Variants in CLMP observed in about 807,000 individuals in gnomAD.
CLMP encodes CXADR-like membrane protein.
Under a neutral mutation model 45.2 loss-of-function variants are expected in CLMP, and 27 were observed. That is an observed-to-expected ratio of 0.60 (90% CI 0.44 to 0.82). The LOEUF (loss-of-function observed/expected upper bound fraction) is 0.82. Among genes scored for constraint, CLMP ranks in the 40% least tolerant of loss-of-function variants. CLMP has a pLI of 0.00. For missense variants in CLMP, 403 were observed against 448.4 expected (o/e 0.90, Z 0.91); for synonymous variants, 167 against 171.4 (o/e 0.97, Z 0.20).
At chr11:123,160,282 A>AG (rs1361728600) in intron 1 of CLMP, among the ~76,000 whole-genome samples, 8 of 148,880 alleles carry the variant, frequency 5.4e-5, no homozygotes, top group Non-Finnish European at 1.0e-4. Flanking sequence ...TCTGTCTCAA[A>AG]AAAAAAAAAA....
At chr11:123,134,350 TTC>T (rs995686954) in intron 1 of CLMP, among the ~76,000 whole-genome samples, 3 of 152,176 alleles carry the variant, frequency 2.0e-5, no homozygotes, top group African/African-American at 7.2e-5. Context: ...AAAAGATTTT[TTC>T]TTTCTCCTAC....
intron 5 of CLMP, among the ~76,000 whole-genome samples, chr11:123,075,112 C>T (rs1481643186): frequency 6.6e-5 from 10 of 151,984 alleles, no homozygotes; most frequent in South Asian, 2.1e-4. Flanking sequence ...TGCACCACCA[C>T]GCCCGGCTAA....
At chr11:123,118,929 TTTTCTTTCTTTCTTTC>T (rs1314714578) in intron 1 of CLMP, among the ~76,000 whole-genome samples, 1,430 of 99,156 alleles carry the variant, frequency 0.014, 60 homozygotes, top group Middle Eastern at 0.031. Context: ...TTTTCTTTTC[TTTTCTTTCTTTCTTTC>T]TTTCTTTCTT....
chr11:123,180,431 C>T (rs1006903973), intron 1 of CLMP, among the ~76,000 whole-genome samples: 6 of 152,124 alleles, frequency 3.9e-5, no homozygotes, highest in African/African-American at 1.4e-4. Flanking sequence ...ACGTGGCTCT[C>T]TATGAACGAG....
In CLMP at chr11:123,165,283, G is replaced by A. The variant is rs531642709; in HGVS notation, c.28+29630C>T. Among the ~76,000 whole-genome samples, 45 of 152,330 alleles carry A rather than the reference G, an allele frequency of 3.0e-4. No individual in the cohort carries two copies. In the Middle Eastern group the frequency reaches 0.017, roughly 58 times the overall value. On this transcript the variant is annotated intron_variant, in intron 1 of 6. Transcript: ENST00000448775. ...AAAAACAGCCTGAAAGTAGGGAGAA[G>A]TTTGAATCCCAGCTCCACCATATGG...
intron 1 of CLMP, among the ~76,000 whole-genome samples, chr11:123,192,246 A>G (rs1277802421): frequency 6.6e-6 from 1 of 152,240 alleles, no homozygotes; most frequent in African/African-American, 2.4e-5. Flanking sequence ...TGATGTCAGA[A>G]TGAAGTGTTT....
chr11:123,120,264 A>G (rs1239576618), intron 1 of CLMP, among the ~76,000 whole-genome samples: 1 of 152,182 alleles, frequency 6.6e-6, no homozygotes, highest in South Asian at 2.1e-4. Context: ...CCACAAAAAT[A>G]TAAAAGTAAT....
intron 1 of CLMP, among the ~76,000 whole-genome samples, chr11:123,150,081 A>G (rs143333803): frequency 7.8e-4 from 118 of 152,056 alleles, no homozygotes; most frequent in African/African-American, 2.4e-3. Context: ...CTGAGATTAC[A>G]GGTATGAGAC....
chr11:123,074,942 G>T, intron 5 of CLMP, 99 bp from the exon 6 acceptor site: 1 of 1,360,346 alleles, frequency 7.4e-7, no homozygotes, highest in Non-Finnish European at 9.9e-7. Context: ...ATGAGTATTT[G>T]CAGGTTTGTT....
intron 2 of CLMP, among the ~76,000 whole-genome samples, chr11:123,092,400 C>A (rs566277745): frequency 6.6e-6 from 1 of 151,970 alleles, no homozygotes; most frequent in Non-Finnish European, 1.5e-5. Flanking sequence ...CGGGTTCAAG[C>A]GATTCTTCTG....
At chr11:123,082,190 C>G (rs1258567349) in intron 5 of CLMP, among the ~76,000 whole-genome samples, 3 of 152,224 alleles carry the variant, frequency 2.0e-5, no homozygotes, top group African/African-American at 4.8e-5. Context: ...AACTAACTAG[C>G]TGCACGGTTT....
In CLMP at chr11:123,110,028, A is replaced by G. The variant is rs555560738; in HGVS notation, c.29-12076T>C. Among the ~76,000 whole-genome samples the G allele has an allele frequency of 2.9e-3, 439 of 152,316 alleles. 1 individual carries two copies. The highest frequency in any genetic ancestry group is 0.01 in the African/African-American group (420 of 41,580). On this transcript the variant is annotated intron_variant, in intron 1 of 6. Coordinates refer to ENST00000448775, the MANE Select transcript of CLMP (RefSeq NM_024769.5). ...AGGGGCAGCATTGTAGCTACCTTCC[A>G]TCATTTAAAAGGCCACAAAACAAGT...
intron 2 of CLMP, among the ~76,000 whole-genome samples, chr11:123,085,505 TC>T (rs1865854099): frequency 6.8e-6 from 1 of 146,862 alleles, no homozygotes; most frequent in Non-Finnish European, 1.5e-5. Context: ...CTCCTTGGCC[TC>T]CCAAAGTGCT....
chr11:123,179,344 A>G (rs1251348052), intron 1 of CLMP, among the ~76,000 whole-genome samples: 1 of 152,172 alleles, frequency 6.6e-6, no homozygotes, highest in Non-Finnish European at 1.5e-5. Context: ...TATTGGGTGG[A>G]GGCGGGATAG....
At chr11:123,138,598 C>T (rs1243301619) in intron 1 of CLMP, among the ~76,000 whole-genome samples, 1 of 138,864 alleles carries the variant, frequency 7.2e-6, no homozygotes, top group African/African-American at 2.6e-5. Flanking sequence ...CCCACCTGCC[C>T]CCCACCCCCC....
intron 1 of CLMP, among the ~76,000 whole-genome samples, chr11:123,176,547 C>T (rs1861702452): frequency 6.6e-6 from 1 of 152,224 alleles, no homozygotes; most frequent in African/African-American, 2.4e-5. Flanking sequence ...ACCCTAGTTG[C>T]TGAGATTCCA....
At chr11:123,102,400 C>G (rs1860462573) in intron 1 of CLMP, among the ~76,000 whole-genome samples, 1 of 150,896 alleles carries the variant, frequency 6.6e-6, no homozygotes, top group Non-Finnish European at 1.5e-5. Flanking sequence ...CCTGCCTCAG[C>G]CTCCTGAGTA....
intron 1 of CLMP, 142 bp downstream of exon 1, chr11:123,194,771 T>A (rs1390699034): frequency 1.5e-5 from 15 of 999,686 alleles, no homozygotes; most frequent in African/African-American, 3.2e-5. Flanking sequence ...GATGTGCTCC[T>A]CCGTGGCCAG....
rs76347411 is a variant in CLMP at position 123,161,335 on chromosome 11, A to G, written c.28+33578T>C. The stretch of plus-strand genomic sequence containing the variant: ...ACCATGCACTAAACCAGTCATGCTC[A>G]GCCTGCATGTGAGAAGCACTGATTT... On this transcript the variant is annotated intron_variant, in intron 1 of 6. Coordinates refer to ENST00000448775, the MANE Select transcript of CLMP (RefSeq NM_024769.5). Among the ~76,000 whole-genome samples the G allele has an allele frequency of 3.3e-3, 509 of 152,314 alleles. 12 individuals are homozygous for G. In the East Asian group the frequency reaches 0.05, roughly 15 times the overall value.
Sources: allele counts gnomAD v4.1 joint callset (sites outside exome capture counted in the v4.1 genomes callset), GRCh38; gene constraint gnomAD v4.1.1; transcripts MANE v1.5; gene names NCBI Gene and HGNC (gene_info 2026-07-23, HGNC 2026-07-21).